Variants in NEMP2 observed in about 807,000 individuals in gnomAD.
The protein encoded by NEMP2 is nuclear envelope integral membrane protein 2, also known as UPF0571 transmembrane protein.
In NEMP2, 53 loss-of-function variants were observed where a neutral mutation model predicts 54.2. The ratio of observed to expected loss-of-function variants is 0.98; its 90% CI spans 0.78 to 1.23. NEMP2 has a LOEUF of 1.23. Among genes scored for constraint, NEMP2 ranks in the 50% most tolerant of loss-of-function variants. NEMP2 has a pLI of 0.00. For missense variants in NEMP2, 455 were observed against 511.3 expected, an observed-to-expected ratio of 0.89 and a Z score of 1.06; for synonymous variants, 197 against 190.3, an observed-to-expected ratio of 1.04 and a Z score of -0.29.
At chr2:190,580,089 T>C in the NEMP2 span, among the ~76,000 whole-genome samples, 1 of 152,150 alleles carries the variant, frequency 6.6e-6, no homozygotes, top group South Asian at 2.1e-4. The surrounding 1 kb of genome is among the most constrained non-coding windows in gnomAD (Gnocchi z 5.3). Context: ...TCTGATTCAG[T>C]AGGCCTGGGG....
At chr2:190,556,502 T>G in the NEMP2 span, among the ~76,000 whole-genome samples, 2 of 152,112 alleles carry the variant, frequency 1.3e-5, no homozygotes, top group Non-Finnish European at 2.9e-5. Context: ...GAGAAAGAAA[T>G]AAAGCATATT....
rs887418443 is a variant in NEMP2, at chr2:190,510,880, C to T, written c.954-343G>A. Among the ~76,000 whole-genome samples, 67 of 63,276 alleles carry T rather than the reference C, an allele frequency of 1.1e-3. No individual in the cohort carries two copies. Among genetic ancestry groups the T allele is most frequent in the African/African-American group, 4.0e-3 (65 of 16,060 alleles). The allele number at this position is 63,276 out of a possible 152,430, so 41.5% of individuals were successfully genotyped here. A position where few individuals can be genotyped will look rare whatever the true frequency, so the allele number is the denominator to read the frequency against. On this transcript the variant is annotated intron_variant, in intron 7 of 8. Transcript: ENST00000409150. The surrounding 1 kb of genome is among the most constrained non-coding windows in gnomAD (Gnocchi z 5.7). ...TGGGCGACAGAGGGAGACTCCGTCT[C>T]AAAAAAAAAAAAAAAAGATTTACAA... is the stretch of plus-strand genomic sequence containing the variant.
At chr2:190,616,515 C>T in the NEMP2 span, among the ~76,000 whole-genome samples, 5 of 152,304 alleles carry the variant, frequency 3.3e-5, no homozygotes, top group South Asian at 6.2e-4. This position sits in a 1 kb window ranked among gnomAD's most constrained non-coding sequence, Gnocchi z 5.1. Context: ...TTGATTAGAA[C>T]AGTAAACTCT....
At chr2:190,636,077 C>G in the NEMP2 span, among the ~76,000 whole-genome samples, 1 of 152,150 alleles carries the variant, frequency 6.6e-6, no homozygotes, top group Non-Finnish European at 1.5e-5. Context: ...ATTGCTCAGG[C>G]TAGTTGCTAA....
the NEMP2 span, among the ~76,000 whole-genome samples, chr2:190,497,283 C>G: frequency 1.3e-5 from 2 of 152,006 alleles, no homozygotes; most frequent in African/African-American, 4.8e-5. The surrounding 1 kb of genome is among the most constrained non-coding windows in gnomAD (Gnocchi z 5.2). Flanking sequence ...AGTACTTACA[C>G]CAAGTAATGA....
the NEMP2 span, among the ~76,000 whole-genome samples, chr2:190,483,139 G>A: frequency 7.9e-5 from 12 of 151,690 alleles, no homozygotes; most frequent in East Asian, 2.2e-3. Context: ...TGATCCACCC[G>A]CCTCGGCCTC....
At chr2:190,597,960 CCCA>C in the NEMP2 span, among the ~76,000 whole-genome samples, 1 of 152,160 alleles carries the variant, frequency 6.6e-6, no homozygotes, top group Admixed American at 6.5e-5. This position sits in a 1 kb window ranked among gnomAD's most constrained non-coding sequence, Gnocchi z 4.7. Flanking sequence ...ACACACCTAT[CCCA>C]TTTATACCTC....
chr2:190,639,609 T>A, the NEMP2 span, among the ~76,000 whole-genome samples: 1 of 152,272 alleles, frequency 6.6e-6, no homozygotes, highest in Non-Finnish European at 1.5e-5. Context: ...TTTCCTGATT[T>A]TCAAAGTAAT....
rs543581829 is a variant in NEMP2 at position 190,523,424 on chromosome 2, A to T, written c.213+1839T>A. Among the ~76,000 whole-genome samples, 65 of 152,308 alleles carry T rather than the reference A, an allele frequency of 4.3e-4. 1 individual carries two copies. The highest frequency in any genetic ancestry group is 8.3e-4 in the South Asian group (4 of 4,826). On this transcript the variant is annotated intron_variant, in intron 2 of 8. Coordinates refer to ENST00000409150, the MANE Select transcript of NEMP2 (RefSeq NM_001142645.2). This position sits in a 1 kb window ranked among gnomAD's most constrained non-coding sequence, Gnocchi z 5.3. ...GGAACTAAGTTTCTCATTATCAGAG[A>T]AGGGAATTACAAATACGAAAACTGG...
the NEMP2 span, among the ~76,000 whole-genome samples, chr2:190,593,924 C>G: frequency 6.6e-6 from 1 of 152,210 alleles, no homozygotes; most frequent in African/African-American, 2.4e-5. The surrounding 1 kb of genome is among the most constrained non-coding windows in gnomAD (Gnocchi z 4.5). Flanking sequence ...CTACTGTTAA[C>G]TCAGAAGCCA....
At chr2:190,430,557 GA>G in the NEMP2 span, among the ~76,000 whole-genome samples, 3 of 151,820 alleles carry the variant, frequency 2.0e-5, no homozygotes, top group Non-Finnish European at 4.4e-5. Context: ...CAAGGCAGAA[GA>G]ATTTTTCTTA....
the NEMP2 span, among the ~76,000 whole-genome samples, chr2:190,541,066 T>C: frequency 6.6e-6 from 1 of 152,236 alleles, no homozygotes; most frequent in Admixed American, 6.5e-5. The surrounding 1 kb of genome is among the most constrained non-coding windows in gnomAD (Gnocchi z 5.2). Context: ...TCAGTTGTTA[T>C]GTCTCCTTTT....
the NEMP2 span, among the ~76,000 whole-genome samples, chr2:190,557,522 CA>C: frequency 1.3e-5 from 2 of 152,126 alleles, no homozygotes; most frequent in African/African-American, 4.8e-5. Flanking sequence ...AAACTATCAT[CA>C]GAGTGAACAG....
chr2:190,643,033 T>TTTG, the NEMP2 span, among the ~76,000 whole-genome samples: 2 of 149,844 alleles, frequency 1.3e-5, no homozygotes, highest in African/African-American at 2.4e-5. Context: ...GTTTTTTTTT[T>TTTG]TTTTTTTTTT....
chr2:190,553,560 C>T, the NEMP2 span: 1 of 152,272 alleles, frequency 6.6e-6, no homozygotes, highest in Non-Finnish European at 1.5e-5. Flanking sequence ...TTTCTGACTA[C>T]AAATCCTCTG....
At chr2:190,471,165 G>C in the NEMP2 span, among the ~76,000 whole-genome samples, 1 of 152,186 alleles carries the variant, frequency 6.6e-6, no homozygotes, top group Non-Finnish European at 1.5e-5. The surrounding 1 kb of genome is among the most constrained non-coding windows in gnomAD (Gnocchi z 4.7). Flanking sequence ...CAGCGTAAGT[G>C]ACACAGAAGA....
At chr2:190,475,754 G>T in the NEMP2 span, among the ~76,000 whole-genome samples, 1 of 152,162 alleles carries the variant, frequency 6.6e-6, no homozygotes, top group African/African-American at 2.4e-5. Context: ...GCATTGCCAA[G>T]TGAATCCTAA....
upstream of NEMP2, chr2:190,534,749 G>A: frequency 2.1e-6 from 2 of 938,222 alleles, no homozygotes; most frequent in Non-Finnish European, 1.4e-6. Context: ...GAAGGCGGAG[G>A]GGGCGGTGAG....
chr2:190,586,150 A>T, the NEMP2 span, among the ~76,000 whole-genome samples: 1 of 152,202 alleles, frequency 6.6e-6, no homozygotes, highest in South Asian at 2.1e-4. The surrounding 1 kb of genome is among the most constrained non-coding windows in gnomAD (Gnocchi z 4.5). Context: ...TGCCTAAATC[A>T]TACAATAACT....
Sources: allele counts gnomAD v4.1 joint callset (sites outside exome capture counted in the v4.1 genomes callset), GRCh38; gene constraint gnomAD v4.1.1; non-coding constraint Gnocchi (gnomAD v3.1); transcripts MANE v1.5; gene names NCBI Gene and HGNC (gene_info 2026-07-23, HGNC 2026-07-21).